The following EMILIN2 variants were observed in gnomAD, a reference collection of about 807,000 sequenced individuals.
The protein encoded by EMILIN2 is elastin microfibril interfacer 2.
In EMILIN2, 71 loss-of-function variants were observed where a neutral mutation model predicts 87.1. The observed-to-expected ratio is 0.82, with a 90% CI of 0.67 to 0.99. The LOEUF is 0.99. EMILIN2 is among the 50% of genes least tolerant of loss of function. EMILIN2 has a pLI of 0.00. For synonymous variants in EMILIN2, 581 were observed against 563.4 expected (o/e 1.03, Z -0.44); for missense variants, 1,407 against 1,371.8 (o/e 1.03, Z -0.40).
Position 2,847,128 on chromosome 18 carries a change from C to A in EMILIN2, c.-61C>A, listed in dbSNP as rs1314343249. On this transcript the variant is annotated 5_prime_UTR_variant, in exon 1 of 8. Coordinates refer to ENST00000254528, the MANE Select transcript of EMILIN2 (RefSeq NM_032048.3). This position sits in a 1 kb window ranked among gnomAD's most constrained non-coding sequence, Gnocchi z 4.5. The stretch of plus-strand genomic sequence containing the variant: ...CCCTGGCCGCCGGCAGCCTTGTGGC[C>A]GGTGCCCCGATCCGCCGCGCTCCGG... The A allele has an allele frequency of 1.9e-6, 2 of 1,067,246 alleles. No homozygotes were observed. Among genetic ancestry groups the A allele is most frequent in the South Asian group, 3.0e-5 (1 of 33,824 alleles). The allele number at this position is 1,067,246 out of a possible 1,614,324, so 66.1% of individuals were successfully genotyped here. A position where few individuals can be genotyped will look rare whatever the true frequency, so the allele number is the denominator to read the frequency against.
chr18:2,848,795 G>A lies in EMILIN2; in HGVS notation c.257+864G>A, dbSNP rs973174196. ...GTTTTCCACTAAGAATAAGTTGTTT[G>A]TCTTAGAGCACAGTTGTCATTACAG... is the stretch of plus-strand genomic sequence containing the variant. On this transcript the variant is annotated intron_variant, in intron 2 of 7. Coordinates refer to ENST00000254528, the MANE Select transcript of EMILIN2 (RefSeq NM_032048.3). The surrounding 1 kb of genome is among the most constrained non-coding windows in gnomAD (Gnocchi z 4.1). 3.3e-5 allele frequency among the ~76,000 whole-genome samples: 5 copies of A among 152,156 alleles called. No homozygotes were observed. The highest frequency in any genetic ancestry group is 1.2e-4 in the African/African-American group (5 of 41,438).
chr18:2,906,835 C>G lies in EMILIN2; in HGVS notation c.2412C>G (p.Pro804=). 1.5e-6 allele frequency: 2 copies of G among 1,339,372 alleles called. No homozygotes were observed. The highest frequency in any genetic ancestry group is 9.5e-7 in the Non-Finnish European group (1 of 1,047,246). 83.0% of individuals were successfully genotyped at this position (1,339,372 alleles called of 1,614,324 possible). The change falls in exon 5 of 8, where the codon CCC becomes CCG. Residue 804 remains proline (P), a synonymous_variant. Coordinates refer to ENST00000254528, the MANE Select transcript of EMILIN2 (RefSeq NM_032048.3). The part of the protein sequence containing the change: ...PAEAPKEPLQ[P]EPAPPRPSGP... ...AGGCCCCGAAGGAGCCGCTGCAGCC[C>G]GAGCCCGCCCCGCCGAGGCCCAGCG... is the stretch of plus-strand genomic sequence containing the variant.
At chr18:2,862,942 A>C (rs1168523572) in intron 2 of EMILIN2, among the ~76,000 whole-genome samples, 1 of 152,144 alleles carries the variant, frequency 6.6e-6, no homozygotes, top group Non-Finnish European at 1.5e-5. Flanking sequence ...TTCCTGGTTT[A>C]GTCTTGGGAG....
intron 4 of EMILIN2, among the ~76,000 whole-genome samples, chr18:2,899,172 A>C (rs1253887171): frequency 6.6e-6 from 1 of 152,186 alleles, no homozygotes; most frequent in Non-Finnish European, 1.5e-5. Flanking sequence ...TTTGTAATTA[A>C]ATTTATAACT....
intron 4 of EMILIN2, among the ~76,000 whole-genome samples, chr18:2,897,488 T>C (rs546791471): frequency 1.3e-5 from 2 of 152,358 alleles, no homozygotes; most frequent in Admixed American, 1.3e-4. Context: ...CCGGTGATGC[T>C]GTAGGTGGCC....
chr18:2,863,141 C>G (rs553827709), intron 2 of EMILIN2, among the ~76,000 whole-genome samples: 32 of 152,128 alleles, frequency 2.1e-4, no homozygotes, highest in Admixed American at 1.6e-3. Context: ...AGCGGTCTAT[C>G]AATTTTGTTG....
In EMILIN2 at chr18:2,906,981, C is replaced by T. The variant is rs2076917009; in HGVS notation, c.2558C>T (p.Pro853Leu). 1 of 1,388,032 alleles carries T rather than the reference C, an allele frequency of 7.2e-7. No homozygotes were observed. 86.0% of individuals were successfully genotyped at this position (1,388,032 alleles called of 1,614,324 possible). The change falls in exon 5 of 8, where the codon CCC becomes CTC. Residue 853 changes from proline to leucine, a missense_variant. Physicochemically the swap from Pro to Leu is moderately conservative, Grantham distance 98. Transcript: ENST00000254528. ...GVIAETGQAG[P>L]PAGAGVSGRG... ...ATCGCGGAGACGGGCCAGGCCGGGC[C>T]CCCCGCAGGCGCAGGCGTGTCTGGG...
chr18:2,908,722 G>A (rs535044827), intron 5 of EMILIN2, among the ~76,000 whole-genome samples: 11 of 152,098 alleles, frequency 7.2e-5, no homozygotes, highest in African/African-American at 1.4e-4. Context: ...CCTCTTCCCC[G>A]CCAGGGATAA....
chr18:2,909,872 T>G, intron 7 of EMILIN2, 53 bp downstream of exon 7: 1 of 1,589,856 alleles, frequency 6.3e-7, no homozygotes, highest in South Asian at 1.1e-5. Flanking sequence ...CCAACGCAGG[T>G]GGGACCCCTC....
At chr18:2,870,397 T>C (rs2076713618) in intron 2 of EMILIN2, among the ~76,000 whole-genome samples, 1 of 152,258 alleles carries the variant, frequency 6.6e-6, no homozygotes, top group South Asian at 2.1e-4. Flanking sequence ...TTGAAGACTA[T>C]TTGTTTCATT....
At chr18:2,858,581 G>GTATA (rs1416903980) in intron 2 of EMILIN2, among the ~76,000 whole-genome samples, 2,371 of 64,612 alleles carry the variant, frequency 0.037, 185 homozygotes, top group African/African-American at 0.066. Context: ...GTGTGTGTGT[G>GTATA]TGTATATATA....
chr18:2,858,571 G>GTA (rs2076642709), intron 2 of EMILIN2, among the ~76,000 whole-genome samples: 1 of 35,782 alleles, frequency 2.8e-5, no homozygotes, highest in African/African-American at 1.6e-4. Flanking sequence ...ATATATATAT[G>GTA]TGTGTGTGTG....
chr18:2,880,104 G>A lies in EMILIN2; in HGVS notation c.258-4860G>A, dbSNP rs920187220. 1.2e-4 allele frequency among the ~76,000 whole-genome samples: 18 copies of A among 152,156 alleles called. No homozygotes were observed. The highest frequency in any genetic ancestry group is 1.2e-3 in the Admixed American group (18 of 15,270). ...ACAGTCTGGCAGGGAGGACAAACACGGAGTAAGCAAACACAAGTGTGAACT... is the reference window on the plus strand; with the variant it reads ...ACAGTCTGGCAGGGAGGACAAACACAGAGTAAGCAAACACAAGTGTGAACT... On this transcript the variant is annotated intron_variant, in intron 2 of 7. Transcript: ENST00000254528. This position sits in a 1 kb window ranked among gnomAD's most constrained non-coding sequence, Gnocchi z 4.1.
At chr18:2,875,340 C>T (rs566815413) in intron 2 of EMILIN2, among the ~76,000 whole-genome samples, 1 of 152,194 alleles carries the variant, frequency 6.6e-6, no homozygotes, top group South Asian at 2.1e-4. Context: ...GTTCTCATGG[C>T]CGTGCCGTGG....
chr18:2,871,784 C>T (rs1459396021), intron 2 of EMILIN2, among the ~76,000 whole-genome samples: 3 of 152,152 alleles, frequency 2.0e-5, no homozygotes, highest in South Asian at 2.1e-4. Flanking sequence ...TAACTATAAC[C>T]CTTCATGTGG....
intron 2 of EMILIN2, among the ~76,000 whole-genome samples, chr18:2,863,748 G>C (rs2076672696): frequency 1.3e-5 from 2 of 152,180 alleles, no homozygotes. Flanking sequence ...ACTTGGTGCA[G>C]AGCTGAGTTC....
intron 2 of EMILIN2, among the ~76,000 whole-genome samples, chr18:2,868,762 G>T (rs1218318749): frequency 6.6e-6 from 1 of 152,122 alleles, no homozygotes; most frequent in East Asian, 1.9e-4. Context: ...TCCAGCTTCG[G>T]CTCGGCATCA....
At chr18:2,912,032 CTTTTTTTT>C (rs35260656) in intron 7 of EMILIN2, among the ~76,000 whole-genome samples, 20 of 73,150 alleles carry the variant, frequency 2.7e-4, no homozygotes, top group African/African-American at 9.0e-4. Context: ...CTGACAACCA[CTTTTTTTT>C]TTTTTTTTTT....
chr18:2,874,242 A>T (rs1017490923), intron 2 of EMILIN2, among the ~76,000 whole-genome samples: 3 of 151,812 alleles, frequency 2.0e-5, no homozygotes, highest in African/African-American at 7.3e-5. Flanking sequence ...TTTTTAAGAG[A>T]CAGTGTCTCA....
Sources: allele counts gnomAD v4.1 joint callset (sites outside exome capture counted in the v4.1 genomes callset), GRCh38; gene constraint gnomAD v4.1.1; non-coding constraint Gnocchi (gnomAD v3.1); transcripts MANE v1.5; gene names NCBI Gene and HGNC (gene_info 2026-07-23, HGNC 2026-07-21).